Variants in SEC24A observed in about 807,000 individuals in gnomAD.
SEC24A encodes protein transport protein Sec24A.
In SEC24A, 93 loss-of-function variants were observed where a neutral mutation model predicts 129.4. The observed-to-expected ratio is 0.72, with a 90% CI of 0.61 to 0.85. The LOEUF (loss-of-function observed/expected upper bound fraction) is 0.85. Among genes scored for constraint, SEC24A ranks in the 40% least tolerant of loss-of-function variants. The pLI, the probability that SEC24A is intolerant of heterozygous loss-of-function variation, is 0.00. For missense variants in SEC24A, 1,264 were observed against 1,307.4 expected, an observed-to-expected ratio of 0.97 and a Z score of 0.51; for synonymous variants, 460 against 467.3, an observed-to-expected ratio of 0.98 and a Z score of 0.20.
intron 4 of SEC24A, among the ~76,000 whole-genome samples, chr5:134,674,350 C>T (rs965266427): frequency 5.3e-5 from 8 of 152,020 alleles, no homozygotes; most frequent in African/African-American, 1.7e-4. Context: ...GCCTGGACAA[C>T]ATGGTGAAGT....
chr5:134,709,900 ACTTCT>A (rs1286958907), intron 18 of SEC24A, among the ~76,000 whole-genome samples: 2 of 151,810 alleles, frequency 1.3e-5, no homozygotes, highest in African/African-American at 4.8e-5. Flanking sequence ...GCAACATTAC[ACTTCT>A]CTTTTCTTTT....
At chr5:134,671,967 G>A (rs1338351883) in intron 4 of SEC24A, 81 bp downstream of exon 4, 4 of 845,854 alleles carry the variant, frequency 4.7e-6, no homozygotes, top group Non-Finnish European at 5.8e-6. Flanking sequence ...CAAATATATA[G>A]GAAACTAAGA....
chr5:134,652,572 C>T (rs566713269), intron 1 of SEC24A, among the ~76,000 whole-genome samples: 82 of 152,056 alleles, frequency 5.4e-4, no homozygotes, highest in African/African-American at 1.9e-3. Flanking sequence ...AGGCGTGAGC[C>T]ACTGTGCCTG....
chr5:134,722,506 C>A (rs77591692), intron 21 of SEC24A, among the ~76,000 whole-genome samples: 1 of 152,042 alleles, frequency 6.6e-6, no homozygotes, highest in Admixed American at 6.6e-5. Context: ...GCAGGCGAAT[C>A]GCTTGAATCT....
intron 11 of SEC24A, among the ~76,000 whole-genome samples, chr5:134,692,383 T>C (rs1403515237): frequency 2.6e-5 from 4 of 152,168 alleles, no homozygotes; most frequent in Middle Eastern, 3.2e-3. Flanking sequence ...CTGTACCTTT[T>C]ACAAGGTAGC....
intron 20 of SEC24A, among the ~76,000 whole-genome samples, chr5:134,719,381 C>CAA (rs34242727): frequency 4.2e-4 from 26 of 61,466 alleles, no homozygotes; most frequent in African/African-American, 1.2e-3. Context: ...TACCTAGTCT[C>CAA]AAAAAAAAAA....
intron 7 of SEC24A, among the ~76,000 whole-genome samples, chr5:134,677,665 C>T (rs781009389): frequency 4.0e-5 from 6 of 151,518 alleles, no homozygotes; most frequent in African/African-American, 1.5e-4. Flanking sequence ...TGGTGAAACT[C>T]GTCTCTACCA....
At position 134,706,543 on chromosome 5, in the gene SEC24A, A is replaced by C. The variant is rs115869025; in HGVS notation, c.2551+1106A>C. Among the ~76,000 whole-genome samples the C allele has an allele frequency of 9.2e-3, 1,403 of 152,240 alleles. 16 individuals are homozygous for C. Among genetic ancestry groups the C allele is most frequent in the African/African-American group, 0.032 (1,320 of 41,526 alleles). On this transcript the variant is annotated intron_variant, in intron 17 of 22. Transcript: ENST00000398844. ...AAAACAGTGTCTTGCTCTGTCACCC[A>C]GGGTGGAGTGCAATGGTGTGGTTCT...
intron 18 of SEC24A, among the ~76,000 whole-genome samples, chr5:134,712,860 C>T (rs974343482): frequency 3.0e-4 from 46 of 151,176 alleles, no homozygotes; most frequent in Non-Finnish European, 2.4e-4. Flanking sequence ...CCTTGTGATC[C>T]GCCCACCTCA....
At chr5:134,692,678 T>G (rs184976550) in intron 12 of SEC24A, 21 bp downstream of exon 12, 14 of 1,338,512 alleles carry the variant, frequency 1.0e-5, no homozygotes, top group Admixed American at 9.0e-5. Context: ...TTTTCCTACC[T>G]GACATGTTTA....
intron 13 of SEC24A, among the ~76,000 whole-genome samples, chr5:134,695,604 G>A (rs1428647089): frequency 6.6e-6 from 1 of 152,010 alleles, no homozygotes; most frequent in Admixed American, 6.6e-5. Context: ...GACCAACATG[G>A]TGAAACCCTG....
At chr5:134,678,640 G>T (rs1751153464) in intron 7 of SEC24A, among the ~76,000 whole-genome samples, 1 of 151,706 alleles carries the variant, frequency 6.6e-6, no homozygotes, top group African/African-American at 2.4e-5. Context: ...GAGTACAGTG[G>T]TGTAATCTTG....
At chr5:134,720,163 A>G (rs1752590711) in intron 20 of SEC24A, among the ~76,000 whole-genome samples, 2 of 152,220 alleles carry the variant, frequency 1.3e-5, no homozygotes, top group Non-Finnish European at 2.9e-5. Flanking sequence ...TGACTCACCC[A>G]GAGCAACTTT....
At chr5:134,679,909 A>G (rs996050279) in intron 8 of SEC24A, among the ~76,000 whole-genome samples, 181 bp downstream of exon 8, 2 of 151,964 alleles carry the variant, frequency 1.3e-5, no homozygotes, top group African/African-American at 4.8e-5. Context: ...AAATTTAATT[A>G]TTTATTTTTT....
chr5:134,673,892 G>A (rs901383659), intron 4 of SEC24A, among the ~76,000 whole-genome samples: 10 of 151,960 alleles, frequency 6.6e-5, no homozygotes, highest in South Asian at 2.1e-4. Flanking sequence ...TCCTATCTTC[G>A]GGAGGCCAAG....
chr5:134,703,648 G>A (rs1580729008), intron 15 of SEC24A, 111 bp from the exon 16 acceptor site: 14 of 705,726 alleles, frequency 2.0e-5, no homozygotes, highest in South Asian at 1.9e-4. Context: ...TAAGTACTGT[G>A]TATTATCTAG....
Position 134,699,490 on chromosome 5 carries a change from G to A in SEC24A, c.2266+1433G>A, listed in dbSNP as rs111576706. The stretch of plus-strand genomic sequence containing the variant: ...ATTTTTTGTATTTTTTAGTAGAGAC[G>A]GGGTTTCACCATGTTAGCCAGGATG... On this transcript the variant is annotated intron_variant, in intron 15 of 22. Transcript: ENST00000398844. Among the ~76,000 whole-genome samples the A allele has an allele frequency of 6.9e-3, 1,052 of 151,510 alleles. 11 individuals carry two copies. Among genetic ancestry groups the A allele is most frequent in the African/African-American group, 0.024 (995 of 41,290 alleles).
chr5:134,699,935 A>G (rs1418678590), intron 15 of SEC24A, among the ~76,000 whole-genome samples: 2 of 151,320 alleles, frequency 1.3e-5, no homozygotes, highest in Non-Finnish European at 2.9e-5. Context: ...TCCTGACCTC[A>G]GGTGATCCGC....
intron 15 of SEC24A, among the ~76,000 whole-genome samples, chr5:134,701,905 A>G (rs1465266627): frequency 6.6e-6 from 1 of 152,220 alleles, no homozygotes; most frequent in Non-Finnish European, 1.5e-5. Context: ...TACAGATCAA[A>G]TACATACTCT....
Sources: gnomAD v4.1 joint callset for allele counts (sites outside exome capture counted in the v4.1 genomes callset) on GRCh38, gnomAD v4.1.1 for gene constraint, MANE v1.5 for transcripts, NCBI Gene and HGNC (gene_info 2026-07-23, HGNC 2026-07-21) for gene names.